The following NAV3 variants were observed in gnomAD, a reference collection of about 807,000 sequenced individuals.
The protein encoded by NAV3 is pore membrane and/or filament interacting like protein 1.
Under a neutral mutation model 244.7 loss-of-function variants are expected in NAV3, and 87 were observed. The ratio of observed to expected loss-of-function variants is 0.36; its 90% confidence interval spans 0.30 to 0.42. NAV3 has a LOEUF of 0.42. NAV3 is among the 20% of genes least tolerant of loss of function. The pLI, the probability that NAV3 is intolerant of heterozygous loss-of-function variation, is 1.00. For synonymous variants in NAV3, 1,126 were observed against 1,042.2 expected, an observed-to-expected ratio of 1.08 and a Z score of -1.55; for missense variants, 2,663 against 2,893.3, an observed-to-expected ratio of 0.92 and a Z score of 1.83.
intron 3 of NAV3, among the ~76,000 whole-genome samples, chr12:77,946,838 T>A (rs2619072): frequency 0.84 from 128,071 of 152,140 alleles, 54,032 homozygotes; most frequent in East Asian, 0.98. Flanking sequence ...GTTGTTTCAA[T>A]GACATTTAAA....
chr12:78,142,766 G>T (rs1215184928), intron 20 of NAV3, among the ~76,000 whole-genome samples: 1 of 145,742 alleles, frequency 6.9e-6, no homozygotes, highest in East Asian at 2.0e-4. Flanking sequence ...CCAATATATG[G>T]AGGTAGGGTA....
chr12:77,573,704 G>C (rs1460769070), intron 2 of NAV3, among the ~76,000 whole-genome samples: 3 of 152,118 alleles, frequency 2.0e-5, no homozygotes, highest in African/African-American at 7.2e-5. Context: ...CCTTAACTCT[G>C]ATGGTAATTT....
At chr12:77,666,558 A>G (rs1873726432) in intron 2 of NAV3, among the ~76,000 whole-genome samples, 1 of 152,218 alleles carries the variant, frequency 6.6e-6, no homozygotes, top group Non-Finnish European at 1.5e-5. Context: ...CTGAGAATAA[A>G]TTCAAAGATT....
chr12:77,572,543 G>A (rs922066976), intron 2 of NAV3, among the ~76,000 whole-genome samples: 5 of 152,130 alleles, frequency 3.3e-5, no homozygotes, highest in South Asian at 2.1e-4. Context: ...AACTGACCTC[G>A]TAGGAACAGT....
Position 77,706,454 on chromosome 12 carries a change from T to G in NAV3, c.72+134188T>G, listed in dbSNP as rs138751816. Among the ~76,000 whole-genome samples the G allele has an allele frequency of 6.9e-3, 1,039 of 151,486 alleles. 51 individuals carry two copies. The highest frequency in any genetic ancestry group is 0.024 in the African/African-American group (974 of 40,896). ...TTCAATCCACTATTGAGACCTACGT[T>G]GAAACTCTACTTTTCATGTGTACAC... On this transcript the variant is annotated intron_variant, in intron 2 of 8. Coordinates refer to the NAV3 transcript ENST00000550042.
intron 2 of NAV3, among the ~76,000 whole-genome samples, chr12:77,603,684 C>T (rs780690898): frequency 1.6e-4 from 25 of 151,960 alleles, no homozygotes; most frequent in Admixed American, 7.9e-4. Flanking sequence ...CTGGATGGAT[C>T]GTCATGATGA....
intron 2 of NAV3, among the ~76,000 whole-genome samples, chr12:77,735,271 A>C (rs1467750986): frequency 6.6e-6 from 1 of 152,162 alleles, no homozygotes; most frequent in African/African-American, 2.4e-5. Flanking sequence ...CATTTCAGTA[A>C]TGAGAGTACT....
intron 3 of NAV3, among the ~76,000 whole-genome samples, chr12:77,949,084 A>G (rs1890634187): frequency 6.6e-6 from 1 of 152,030 alleles, no homozygotes; most frequent in South Asian, 2.1e-4. Flanking sequence ...ATATATTGAC[A>G]TTCCTTGTTA....
chr12:78,194,755 GC>G (rs1181125514), intron 34 of NAV3, among the ~76,000 whole-genome samples: 2 of 151,974 alleles, frequency 1.3e-5, no homozygotes, highest in Non-Finnish European at 2.9e-5. Context: ...CATATTCTTA[GC>G]TTTTTTCCTA....
At chr12:78,070,833 G>T (rs1174888863) in intron 12 of NAV3, among the ~76,000 whole-genome samples, 1 of 149,624 alleles carries the variant, frequency 6.7e-6, no homozygotes, top group East Asian at 2.0e-4. Flanking sequence ...ATAGTTTACT[G>T]AGAATGATGA....
rs150733190 is a variant in NAV3, at chr12:77,674,955, C to G, written c.72+102689C>G. ...GAGAGAACAAATGTCATGTCTTTAACAGCAGGATCTGAATTGACAGATGGG... is the reference window on the plus strand; with the variant it reads ...GAGAGAACAAATGTCATGTCTTTAAGAGCAGGATCTGAATTGACAGATGGG... On this transcript the variant is annotated intron_variant, in intron 2 of 8. Coordinates refer to the NAV3 transcript ENST00000550042. Among the ~76,000 whole-genome samples, 1,007 of 152,226 alleles carry G rather than the reference C, an allele frequency of 6.6e-3. 10 individuals carry two copies. The highest frequency in any genetic ancestry group is 0.023 in the African/African-American group (970 of 41,538).
chr12:77,814,341 G>A (rs905176382), intron 2 of NAV3, among the ~76,000 whole-genome samples: 2 of 152,012 alleles, frequency 1.3e-5, no homozygotes, highest in Non-Finnish European at 2.9e-5. Context: ...GAGAAGATGT[G>A]GCCTCCAAAT....
chr12:77,799,757 G>A (rs1414300556), intron 2 of NAV3, among the ~76,000 whole-genome samples: 1 of 152,074 alleles, frequency 6.6e-6, no homozygotes, highest in Non-Finnish European at 1.5e-5. Flanking sequence ...TTTGATGCCA[G>A]AACACATACT....
chr12:78,058,089 T>C (rs1229549472), intron 11 of NAV3, among the ~76,000 whole-genome samples: 1 of 152,148 alleles, frequency 6.6e-6, no homozygotes, highest in Non-Finnish European at 1.5e-5. Flanking sequence ...TGTGTGTGCA[T>C]GCAATTACAA....
chr12:78,017,034 GTAGCCAGAT>G (rs1876337157), intron 8 of NAV3, among the ~76,000 whole-genome samples: 1 of 152,058 alleles, frequency 6.6e-6, no homozygotes, highest in Non-Finnish European at 1.5e-5. Context: ...ACATTTACAG[GTAGCCAGAT>G]TCAAGTACTG....
chr12:77,988,735 C>T (rs919107963), intron 5 of NAV3, among the ~76,000 whole-genome samples: 1 of 152,124 alleles, frequency 6.6e-6, no homozygotes, highest in African/African-American at 2.4e-5. Flanking sequence ...CCTTATTTTA[C>T]TGCTTTTCTG....
intron 2 of NAV3, among the ~76,000 whole-genome samples, chr12:77,603,496 A>G (rs61932073): frequency 1.5e-3 from 234 of 152,032 alleles, no homozygotes; most frequent in Non-Finnish European, 1.8e-3. Flanking sequence ...GGCCTGCAGT[A>G]TGACATGAGT....
intron 2 of NAV3, among the ~76,000 whole-genome samples, chr12:77,576,599 A>G (rs1183443860): frequency 6.6e-6 from 1 of 151,898 alleles, no homozygotes; most frequent in Non-Finnish European, 1.5e-5. Flanking sequence ...TTTTCATTTT[A>G]TTTTTGCATT....
At chr12:77,924,875 T>C (rs374361531) in intron 1 of NAV3, among the ~76,000 whole-genome samples, 14 of 152,000 alleles carry the variant, frequency 9.2e-5, no homozygotes, top group African/African-American at 3.4e-4. Flanking sequence ...TCATTTTACT[T>C]TTGCACATGT....
Sources: allele counts gnomAD v4.1 joint callset (sites outside exome capture counted in the v4.1 genomes callset), GRCh38; gene constraint gnomAD v4.1.1; transcripts MANE v1.5; gene names NCBI Gene and HGNC (gene_info 2026-07-23, HGNC 2026-07-21).